Variants in ZC2HC1C observed in about 807,000 individuals in gnomAD.
ZC2HC1C encodes the protein zinc finger C2HC domain-containing protein 1C.
ZC2HC1C carries 25 observed loss-of-function variants against 39.2 expected under a neutral mutation model. That is an observed-to-expected ratio of 0.64 (90% CI 0.47 to 0.89). The LOEUF (loss-of-function observed/expected upper bound fraction) is 0.89, where lower values mean the gene tolerates loss of function less well. Ranked by LOEUF, ZC2HC1C falls within the 40% of genes least tolerant of loss-of-function variation. The probability of loss-of-function intolerance (pLI) is 0.00; values close to 1 mark genes in which losing one functional copy is unlikely to be tolerated. For synonymous variants in ZC2HC1C, 209 were observed against 214.4 expected, an observed-to-expected ratio of 0.97 and a Z score of 0.22; for missense variants, 519 against 548.6, an observed-to-expected ratio of 0.95 and a Z score of 0.54.
intron 2 of ZC2HC1C, among the ~76,000 whole-genome samples, chr14:75,074,197 C>T (rs867298897): frequency 2.6e-5 from 4 of 152,160 alleles, no homozygotes; most frequent in African/African-American, 7.2e-5. Context: ...CATGAGCCAC[C>T]GTGCCTGGTC....
chr14:75,076,134 A>T (rs776326006), intron 2 of ZC2HC1C, among the ~76,000 whole-genome samples: 2 of 152,176 alleles, frequency 1.3e-5, no homozygotes, highest in Admixed American at 6.5e-5. Context: ...TTCCTTCTGC[A>T]ACTCTTATTG....
Position 75,077,599 on chromosome 14 carries a change from CTCGAG to C in ZC2HC1C, c.*36_*40del. 1 of 1,613,836 alleles carries C rather than the reference CTCGAG, an allele frequency of 6.2e-7. No individual in the cohort carries two copies. On this transcript the variant is annotated 3_prime_UTR_variant, in exon 3 of 3. Transcript: ENST00000524913. ...TCTTTTATCCATACGTTCCGCCAGG[CTCGAG>C]AGGTCCAGCAGGTAACTGCCAAAGG...
chr14:75,074,717 G>A (rs1025708780), intron 2 of ZC2HC1C, among the ~76,000 whole-genome samples: 36 of 152,186 alleles, frequency 2.4e-4, no homozygotes, highest in Admixed American at 4.6e-4. Flanking sequence ...GCTTACAGGC[G>A]AGTGCCACCA....
rs1893757011 is a variant in ZC2HC1C at position 75,077,958 on chromosome 14, GGCAGAAGGAA to G, written c.*397_*406del. The G allele has an allele frequency of 1.5e-5, 3 of 206,186 alleles. No homozygotes were observed. The highest frequency in any genetic ancestry group is 2.9e-5 in the Non-Finnish European group (3 of 101,844). The allele number at this position is 206,186 out of a possible 1,614,324, so 12.8% of individuals were successfully genotyped here. On this transcript the variant is annotated 3_prime_UTR_variant, in exon 3 of 3. Transcript: ENST00000524913. ...AGAGAGCCACTGCTAAGCAGCAGGAGGCAGAAGGAAGCCCCAGCTTCCCACTAAATTACAA... is the reference window on the plus strand; with the variant it reads ...AGAGAGCCACTGCTAAGCAGCAGGAGGCCCCAGCTTCCCACTAAATTACAA...
Position 75,077,862 on chromosome 14 carries a change from T to G in ZC2HC1C, c.*298T>G. The stretch of plus-strand genomic sequence containing the variant: ...GCTTCTCTTCAGCAGTAAATGGGAG[T>G]AGAATTTGATGCAAAGCAGAAAGAA... On this transcript the variant is annotated 3_prime_UTR_variant, in exon 3 of 3. Transcript: ENST00000524913. 1 of 342,054 alleles carries G rather than the reference T, an allele frequency of 2.9e-6. No individual in the cohort carries two copies. Among genetic ancestry groups the G allele is most frequent in the South Asian group, 4.7e-5 (1 of 21,452 alleles). 21.2% of individuals were successfully genotyped at this position (342,054 alleles called of 1,614,324 possible). A position where few individuals can be genotyped will look rare whatever the true frequency, so the allele number is the denominator to read the frequency against.
Position 75,078,930 on chromosome 14 carries a change from G to A in ZC2HC1C, c.*1366G>A, listed in dbSNP as rs1893788148. The A allele has an allele frequency of 6.6e-6, 1 of 152,150 alleles. No individual in the cohort carries two copies. Among genetic ancestry groups the A allele is most frequent in the African/African-American group, 2.4e-5 (1 of 41,444 alleles). The allele number at this position is 152,150 out of a possible 1,614,324, so 9.4% of individuals were successfully genotyped here. On this transcript the variant is annotated 3_prime_UTR_variant, in exon 3 of 3. Coordinates refer to ENST00000524913, the MANE Select transcript of ZC2HC1C (RefSeq NM_024643.4). Reference sequence around the variant, plus strand: ...GATTTAAAATTAAACAAGAAGATGAGTGAGTCCTACACTAGTGAAATCAGA... The same window carrying A: ...GATTTAAAATTAAACAAGAAGATGAATGAGTCCTACACTAGTGAAATCAGA...
In ZC2HC1C at chr14:75,073,510, A is replaced by C. The variant is rs1458161660; in HGVS notation, c.1338+1599A>C. On this transcript the variant is annotated intron_variant, in intron 2 of 2. Coordinates refer to ENST00000524913, the MANE Select transcript of ZC2HC1C (RefSeq NM_024643.4). ...GTGACATTGAGGACACCAAGACAGA[A>C]GGGACCTAGACTAAGATGCACCTGC... The C allele has an allele frequency of 6.0e-6, 7 of 1,171,520 alleles. No individual in the cohort carries two copies. In the African/African-American group the frequency reaches 7.9e-5, roughly 13 times the overall value. The allele number at this position is 1,171,520 out of a possible 1,614,324, so 72.6% of individuals were successfully genotyped here. A position where few individuals can be genotyped will look rare whatever the true frequency, so the allele number is the denominator to read the frequency against.
chr14:75,071,935 A>T (rs1209283629), intron 2 of ZC2HC1C, 24 bp downstream of exon 2: 2 of 1,552,966 alleles, frequency 1.3e-6, no homozygotes, highest in Admixed American at 4.0e-5. Context: ...TATGGATGTG[A>T]CTTGGTGTGG....
Position 75,071,421 on chromosome 14 carries a change from A to G in ZC2HC1C, c.848A>G (p.Lys283Arg). 1 of 1,614,172 alleles carries G rather than the reference A, an allele frequency of 6.2e-7. No homozygotes were observed. The highest frequency in any genetic ancestry group is 8.5e-7 in the Non-Finnish European group (1 of 1,180,036). Residue 283 changes from lysine (K) to arginine (R), a missense_variant, in exon 2 of 3, where the codon AAA (lysine) becomes AGA (arginine). Physicochemically the swap from Lys to Arg is conservative, Grantham distance 26. Transcript: ENST00000524913. ...GGTAATAAAAGCAACACCATGTACAAACCTATCTTCTCCCCAGAATTTGAG... is the reference window on the plus strand; with the variant it reads ...GGTAATAAAAGCAACACCATGTACAGACCTATCTTCTCCCCAGAATTTGAG... ...VKGNKSNTMY[K>R]PIFSPEFEFE...
intron 2 of ZC2HC1C, 68 bp from the exon 3 acceptor site, chr14:75,077,464 A>T: frequency 6.3e-7 from 1 of 1,588,860 alleles, no homozygotes; most frequent in South Asian, 1.1e-5. Context: ...TCTTACTGTT[A>T]TTCTACAAGA....
At position 75,078,460 on chromosome 14, in the gene ZC2HC1C, CATT is replaced by C. The variant is rs1414337867; in HGVS notation, c.*899_*901del. ...AGGGATGGGTGTTGGGGGGGAAACA[CATT>C]ATACTTCTCTCTACTTGTTCTTTTC... On this transcript the variant is annotated 3_prime_UTR_variant, in exon 3 of 3. Transcript: ENST00000524913. 1 of 152,092 alleles carries C rather than the reference CATT, an allele frequency of 6.6e-6. No individual in the cohort carries two copies. The highest frequency in any genetic ancestry group is 1.5e-5 in the Non-Finnish European group (1 of 68,032). 9.4% of individuals were successfully genotyped at this position (152,092 alleles called of 1,614,324 possible). A position where few individuals can be genotyped will look rare whatever the true frequency, so the allele number is the denominator to read the frequency against.
At chr14:75,073,429 A>G (rs1893515692) in intron 2 of ZC2HC1C, 1 of 419,010 alleles carries the variant, frequency 2.4e-6, no homozygotes, top group African/African-American at 2.1e-5. Flanking sequence ...AAGCAAAATA[A>G]TTAGGTTCCT....
rs753109377 is a variant in ZC2HC1C, at chr14:75,071,237, A to T, written c.664A>T (p.Ser222Cys). 2.2e-5 allele frequency: 35 copies of T among 1,613,972 alleles called. No homozygotes were observed. The highest frequency in any genetic ancestry group is 1.1e-5 in the South Asian group (1 of 91,074). Residue 222 changes from serine to cysteine, a missense_variant, in exon 2 of 3, where the codon AGC becomes TGC. Physicochemically the swap from Ser to Cys is moderately radical, Grantham distance 112 (BLOSUM62 -1). Transcript: ENST00000524913. ...CCGAAGACTAGAAGCTGCAGGGGAGAGCTTAGAGGAGGAAATCCGAAGAAA... is the reference window on the plus strand; with the variant it reads ...CCGAAGACTAGAAGCTGCAGGGGAGTGCTTAGAGGAGGAAATCCGAAGAAA... Reference protein sequence around the residue: ...QIRRLEAAGESLEEEIRRKQI... With the variant: ...QIRRLEAAGECLEEEIRRKQI...
At chr14:75,075,795 G>A (rs117966779) in intron 2 of ZC2HC1C, among the ~76,000 whole-genome samples, 4,287 of 152,174 alleles carry the variant, frequency 0.028, 289 homozygotes, top group East Asian at 0.19. Flanking sequence ...TGTGGCTCAC[G>A]CCTATAATCC....
chr14:75,070,923 A>AT lies in ZC2HC1C; in HGVS notation c.351dup (p.Pro118SerfsTer5), dbSNP rs1212841979. 1.7e-5 allele frequency: 28 copies of AT among 1,614,104 alleles called. No homozygotes were observed. The highest frequency in any genetic ancestry group is 2.4e-5 in the Non-Finnish European group (28 of 1,180,036). On this transcript the variant is annotated frameshift_variant, in exon 2 of 3. Coordinates refer to ENST00000524913, the MANE Select transcript of ZC2HC1C (RefSeq NM_024643.4). LOFTEE classifies it high-confidence loss of function. ...TACTCGTCAGGCCCTCAATCCTGGT[A>AT]TCCCAAAGCCAATAACCAGGACTTT...
At chr14:75,071,998 C>T in intron 2 of ZC2HC1C, 87 bp downstream of exon 2, 1 of 1,488,780 alleles carries the variant, frequency 6.7e-7, no homozygotes, top group South Asian at 1.4e-5. Context: ...AGGGAAAATT[C>T]ATGTGTCATG....
rs2139688385 is a variant in ZC2HC1C at position 75,077,539 on chromosome 14, C to T, written c.1346C>T (p.Pro449Leu). Residue 449 changes from proline (P) to leucine (L), a missense_variant, in exon 3 of 3, where the codon CCT becomes CTT. Coordinates refer to ENST00000524913, the MANE Select transcript of ZC2HC1C (RefSeq NM_024643.4). ...CTCCCTTTTACATTACAGGCTGAAC[C>T]TCCTCAGAAGAGCAACTGGAGATAG... ...WKGPASAKAEPPQKSNWR is the reference protein window; with the variant it reads ...WKGPASAKAELPQKSNWR 1 of 1,614,206 alleles carries T rather than the reference C, an allele frequency of 6.2e-7. No individual in the cohort carries two copies. The highest frequency in any genetic ancestry group is 2.2e-5 in the East Asian group (1 of 44,892).
intron 2 of ZC2HC1C, among the ~76,000 whole-genome samples, chr14:75,073,857 T>C (rs1261104446): frequency 6.6e-6 from 1 of 152,158 alleles, no homozygotes; most frequent in Non-Finnish European, 1.5e-5. Context: ...TGAGGAACTT[T>C]CCCCTGATCA....
At chr14:75,070,401 T>G (rs538030177) in intron 1 of ZC2HC1C, among the ~76,000 whole-genome samples, 154 bp from the exon 2 acceptor site, 1 of 152,184 alleles carries the variant, frequency 6.6e-6, no homozygotes, top group South Asian at 2.1e-4. Context: ...CACCAAATGG[T>G]TTTTGAAGGG....
Sources: gnomAD v4.1 joint callset for allele counts (sites outside exome capture counted in the v4.1 genomes callset) on GRCh38, gnomAD v4.1.1 for gene constraint, MANE v1.5 for transcripts, NCBI Gene and HGNC (gene_info 2026-07-23, HGNC 2026-07-21) for gene names.